PLCL2: variants seen among roughly 807,000 people sequenced by gnomAD.
The protein encoded by PLCL2 is phospholipase C like 2.
In PLCL2, 4 loss-of-function variants were observed where a neutral mutation model predicts 79.6. That is an observed-to-expected ratio of 0.05 (90% CI 0.02 to 0.11). PLCL2 has a LOEUF of 0.11. PLCL2 is among the 10% of genes least tolerant of loss of function. The probability of loss-of-function intolerance (pLI) is 1.00; values close to 1 mark genes in which losing one functional copy is unlikely to be tolerated. For synonymous variants in PLCL2, 484 were observed against 457.7 expected (o/e 1.06, Z -0.73); for missense variants, 895 against 1,291.0 (o/e 0.69, Z 4.70).
At chr3:17,072,797 T>C (rs2065073543) in intron 5 of PLCL2, among the ~76,000 whole-genome samples, 1 of 152,218 alleles carries the variant, frequency 6.6e-6, no homozygotes, top group Non-Finnish European at 1.5e-5. Context: ...GCCATGTCAC[T>C]TGAAGTTCAG....
chr3:16,916,329 C>T (rs1428446787), intron 1 of PLCL2, among the ~76,000 whole-genome samples: 1 of 152,150 alleles, frequency 6.6e-6, no homozygotes. Flanking sequence ...TTATAGGTTT[C>T]ACTGAGGCAG....
chr3:16,985,428 A>G (rs1382558246), intron 1 of PLCL2, among the ~76,000 whole-genome samples: 1 of 152,200 alleles, frequency 6.6e-6, no homozygotes, highest in Non-Finnish European at 1.5e-5. Context: ...TCTGAAGTTA[A>G]CAGTATACTT....
At chr3:17,000,896 A>G (rs558804977) in intron 1 of PLCL2, among the ~76,000 whole-genome samples, 40 of 152,230 alleles carry the variant, frequency 2.6e-4, no homozygotes, top group Admixed American at 2.0e-3. Context: ...ATGTGCCGGT[A>G]TTTCTTCAAT....
intron 1 of PLCL2, among the ~76,000 whole-genome samples, chr3:16,993,080 C>T (rs2064120351): frequency 6.6e-6 from 1 of 152,162 alleles, no homozygotes. Context: ...GACTGCCAGT[C>T]AGGATGAGAA....
intron 1 of PLCL2, among the ~76,000 whole-genome samples, chr3:16,909,402 T>G (rs1180804705): frequency 6.6e-6 from 1 of 152,254 alleles, no homozygotes; most frequent in African/African-American, 2.4e-5. Flanking sequence ...AGGACTGCTG[T>G]GCTGATTAAA....
chr3:16,991,024 C>T (rs889957815), intron 1 of PLCL2, among the ~76,000 whole-genome samples: 2 of 152,198 alleles, frequency 1.3e-5, no homozygotes, highest in African/African-American at 2.4e-5. Context: ...TGGAGACACT[C>T]ACCTTGCCCT....
intron 1 of PLCL2, among the ~76,000 whole-genome samples, chr3:17,006,562 G>T (rs920723961): frequency 1.1e-4 from 16 of 152,194 alleles, no homozygotes; most frequent in Non-Finnish European, 1.8e-4. Context: ...AGTGAGGAAG[G>T]AGAAGCAGAT....
chr3:16,991,318 C>T (rs2064103226), intron 1 of PLCL2, among the ~76,000 whole-genome samples: 1 of 152,160 alleles, frequency 6.6e-6, no homozygotes, highest in Admixed American at 6.5e-5. Flanking sequence ...AAGGTTAGCT[C>T]ACCTCCTTTC....
chr3:16,989,276 A>G (rs2124994240), intron 1 of PLCL2, among the ~76,000 whole-genome samples: 1 of 152,260 alleles, frequency 6.6e-6, no homozygotes, highest in African/African-American at 2.4e-5. Context: ...CTTTGGGCAA[A>G]GCACCACATT....
At chr3:17,073,474 T>C (rs1304735384) in intron 5 of PLCL2, among the ~76,000 whole-genome samples, 1 of 152,192 alleles carries the variant, frequency 6.6e-6, no homozygotes, top group Non-Finnish European at 1.5e-5. Context: ...GGGTGATGAC[T>C]GATGAGGGTG....
chr3:17,056,657 G>GA (rs1426618481), intron 4 of PLCL2, among the ~76,000 whole-genome samples: 1 of 151,960 alleles, frequency 6.6e-6, no homozygotes. Flanking sequence ...ACATATTAAA[G>GA]AAAAAACACA....
intron 1 of PLCL2, among the ~76,000 whole-genome samples, chr3:16,998,164 G>T (rs962893542): frequency 5.3e-5 from 8 of 150,728 alleles, no homozygotes; most frequent in African/African-American, 2.0e-4. Context: ...ACCCCAAGCA[G>T]TGCCAGAGTT....
chr3:16,888,924 T>C (rs779245900), intron 1 of PLCL2, among the ~76,000 whole-genome samples: 2 of 152,252 alleles, frequency 1.3e-5, no homozygotes, highest in Non-Finnish European at 2.9e-5. Flanking sequence ...CTGTGAACTT[T>C]GACCAATACA....
intron 1 of PLCL2, among the ~76,000 whole-genome samples, chr3:16,954,699 A>C (rs1027676499): frequency 6.6e-6 from 1 of 152,040 alleles, no homozygotes; most frequent in Non-Finnish European, 1.5e-5. Flanking sequence ...TTGTTTCCTG[A>C]CTTTTTAATG....
At chr3:17,017,839 T>C (rs1351272590) in intron 3 of PLCL2, among the ~76,000 whole-genome samples, 1 of 152,222 alleles carries the variant, frequency 6.6e-6, no homozygotes, top group Non-Finnish European at 1.5e-5. Flanking sequence ...ATTAATAAAA[T>C]AGTATTTCAG....
chr3:16,957,449 G>C (rs111823811), intron 1 of PLCL2, among the ~76,000 whole-genome samples: 7,571 of 152,046 alleles, frequency 0.05, 432 homozygotes, highest in African/African-American at 0.14. Context: ...TTACTTCCAA[G>C]TATGTGGTCA....
chr3:16,898,022 A>T (rs1415075093), intron 1 of PLCL2, among the ~76,000 whole-genome samples: 1 of 151,880 alleles, frequency 6.6e-6, no homozygotes, highest in African/African-American at 2.4e-5. Flanking sequence ...GACAAGGATG[A>T]GTCTTCTAGC....
chr3:16,937,764 C>G (rs1312178779), intron 1 of PLCL2, among the ~76,000 whole-genome samples: 1 of 152,128 alleles, frequency 6.6e-6, no homozygotes, highest in Non-Finnish European at 1.5e-5. Flanking sequence ...TTGAATTTCC[C>G]CCTCCCTGTT....
At chr3:16,979,591 C>T (rs571664581) in intron 1 of PLCL2, among the ~76,000 whole-genome samples, 4 of 125,620 alleles carry the variant, frequency 3.2e-5, no homozygotes, top group South Asian at 2.9e-4. Flanking sequence ...CATCTTGCAC[C>T]GCCCTTAATC....
Sources: allele counts gnomAD v4.1 joint callset (sites outside exome capture counted in the v4.1 genomes callset), GRCh38; gene constraint gnomAD v4.1.1; transcripts MANE v1.5; gene names NCBI Gene and HGNC (gene_info 2026-07-23, HGNC 2026-07-21).